The following TBP variants were observed in gnomAD, a reference collection of about 807,000 sequenced individuals.
TBP encodes TATA-box-binding protein.
A neutral mutation model predicts 46.2 loss-of-function variants in TBP; 12 were observed. The observed-to-expected ratio is 0.26, with a 90% CI of 0.17 to 0.42. The LOEUF (loss-of-function observed/expected upper bound fraction) is 0.42, where lower values mean the gene tolerates loss of function less well. Among genes scored for constraint, TBP ranks in the 10% least tolerant of loss-of-function variants. TBP has a pLI of 1.00. For missense variants in TBP, 229 were observed against 403.1 expected, an observed-to-expected ratio of 0.57 and a Z score of 3.70; for synonymous variants, 157 against 148.3, an observed-to-expected ratio of 1.06 and a Z score of -0.42.
chr6:170,570,751 C>T (rs981220992), intron 6 of TBP, among the ~76,000 whole-genome samples: 1 of 151,936 alleles, frequency 6.6e-6, no homozygotes, highest in Admixed American at 6.6e-5. Flanking sequence ...GACAATCATT[C>T]GAACCCAGGA....
intron 3 of TBP, 71 bp from the exon 4 acceptor site, chr6:170,564,474 A>T (rs1406135846): frequency 9.1e-7 from 1 of 1,099,676 alleles, no homozygotes; most frequent in Non-Finnish European, 1.3e-6. Flanking sequence ...TGTCTGCATA[A>T]TTTCTAACGC....
chr6:170,562,965 T>G (rs1245477049), intron 3 of TBP, among the ~76,000 whole-genome samples: 1 of 152,198 alleles, frequency 6.6e-6, no homozygotes, highest in East Asian at 1.9e-4. Flanking sequence ...ATTTCCTATT[T>G]GCATTTATTC....
intron 4 of TBP, 24 bp downstream of exon 4, chr6:170,564,656 C>A: frequency 7.0e-7 from 1 of 1,426,998 alleles, no homozygotes; most frequent in Non-Finnish European, 9.5e-7. Flanking sequence ...TAATGTATTT[C>A]TTTTTTTTTT....
intron 6 of TBP, among the ~76,000 whole-genome samples, chr6:170,570,294 T>C (rs992833121): frequency 6.6e-6 from 1 of 152,232 alleles, no homozygotes; most frequent in Non-Finnish European, 1.5e-5. Flanking sequence ...ACATTAGTTC[T>C]GTGTGCCCCT....
rs201578035 is a variant in TBP at position 170,566,911 on chromosome 6, A to G, written c.586-7A>G. 6.5e-5 allele frequency: 104 copies of G among 1,612,006 alleles called. No individual in the cohort carries two copies. Among genetic ancestry groups the G allele is most frequent in the Admixed American group, 6.7e-5 (4 of 59,926 alleles). On this transcript the variant is annotated splice_region_variant and splice_polypyrimidine_tract_variant and intron_variant, in intron 4 of 7. Coordinates refer to ENST00000392092, the MANE Select transcript of TBP (RefSeq NM_003194.5). ...ACCTCACTAATGATTCTCTCTGACC[A>G]TTGTAGCGGTTTGCTGCGGTAATCA...
At position 170,556,484 on chromosome 6, in the gene TBP, A is replaced by G. The variant is rs1397979458; in HGVS notation, c.-148-398A>G. Reference sequence around the variant, plus strand: ...CCCAAGACATTGTAGAGGATGTAAAATTGGAATATTTAAAGATCTAAACTT... The same window carrying G: ...CCCAAGACATTGTAGAGGATGTAAAGTTGGAATATTTAAAGATCTAAACTT... On this transcript the variant is annotated intron_variant, in intron 1 of 7. Coordinates refer to ENST00000392092, the MANE Select transcript of TBP (RefSeq NM_003194.5). Among the ~76,000 whole-genome samples the G allele has an allele frequency of 2.0e-5, 3 of 152,272 alleles. No homozygotes were observed. In the East Asian group the frequency reaches 5.8e-4, roughly 29 times the overall value.
chr6:170,566,215 A>T (rs1460607504), intron 4 of TBP, among the ~76,000 whole-genome samples: 3 of 152,186 alleles, frequency 2.0e-5, no homozygotes, highest in East Asian at 3.8e-4. Flanking sequence ...CAAAGTAATT[A>T]TTTGCTTTTT....
intron 5 of TBP, among the ~76,000 whole-genome samples, chr6:170,567,961 G>A (rs1175324101): frequency 6.6e-6 from 1 of 152,218 alleles, no homozygotes; most frequent in Non-Finnish European, 1.5e-5. Context: ...AAATGAAAGA[G>A]TATTAAATGT....
At chr6:170,571,058 G>C (rs1193443069) in intron 6 of TBP, among the ~76,000 whole-genome samples, 1 of 152,142 alleles carries the variant, frequency 6.6e-6, no homozygotes, top group Non-Finnish European at 1.5e-5. Context: ...TATTAGGACT[G>C]TAAAAGTAAA....
At chr6:170,557,607 T>G (rs1301307723) in intron 2 of TBP, among the ~76,000 whole-genome samples, 1 of 150,036 alleles carries the variant, frequency 6.7e-6, no homozygotes, top group Non-Finnish European at 1.5e-5. Context: ...TTGTGGCGGG[T>G]GCCTGTAATC....
chr6:170,562,433 A>G (rs1779167553), intron 3 of TBP, among the ~76,000 whole-genome samples, 200 bp downstream of exon 3: 1 of 152,212 alleles, frequency 6.6e-6, no homozygotes, highest in African/African-American at 2.4e-5. Context: ...GGCTCTTAAC[A>G]GGTTTAGAAA....
At chr6:170,567,838 C>T (rs1408684448) in intron 5 of TBP, among the ~76,000 whole-genome samples, 3 of 152,178 alleles carry the variant, frequency 2.0e-5, no homozygotes, top group Non-Finnish European at 4.4e-5. Context: ...TAGTACTCTG[C>T]GGCCCTGACT....
At chr6:170,564,276 C>A (rs1378852499) in intron 3 of TBP, among the ~76,000 whole-genome samples, 1 of 152,208 alleles carries the variant, frequency 6.6e-6, no homozygotes, top group African/African-American at 2.4e-5. Flanking sequence ...GCGTCCTGAG[C>A]AAGTTGCACT....
At chr6:170,564,701 A>G in intron 4 of TBP, 69 bp downstream of exon 4, 2 of 1,085,828 alleles carry the variant, frequency 1.8e-6, no homozygotes, top group Non-Finnish European at 2.6e-6. Flanking sequence ...TCTATATTTT[A>G]ATGTATTTCA....
chr6:170,562,077 C>T lies in TBP; in HGVS notation c.341C>T (p.Thr114Ile). ...QSTSQQATQG[T>I]SGQAPQLFHS... ...ACGTCCCAGCAGGCAACACAGGGAA[C>T]CTCAGGCCAGGCACCACAGCTCTTC... is the stretch of plus-strand genomic sequence containing the variant. The change falls in exon 3 of 8, where the codon ACC becomes ATC. Residue 114 changes from threonine (T) to isoleucine (I), a missense_variant. By Grantham distance (89) the Thr-to-Ile change is moderately conservative. This residue lies in a region of TBP where 69 missense variants were observed against 66.2 expected (regional missense o/e 1.04). Coordinates refer to ENST00000392092, the MANE Select transcript of TBP (RefSeq NM_003194.5). 2 of 1,614,116 alleles carry T rather than the reference C, an allele frequency of 1.2e-6. No individual in the cohort carries two copies. Among genetic ancestry groups the T allele is most frequent in the South Asian group, 2.2e-5 (2 of 91,072 alleles).
Position 170,569,742 on chromosome 6 carries a change from T to C in TBP, c.808T>C (p.Leu270=). ...CTGTGATGTGAAGTTTCCTATAAGG[T>C]TAGAAGGCCTTGTGCTCACCCACCA... ...GSCDVKFPIR[L]EGLVLTHQQF... Residue 270 remains leucine, a synonymous_variant, in exon 6 of 8, where the codon TTA becomes CTA. Transcript: ENST00000392092. 2 of 1,614,042 alleles carry C rather than the reference T, an allele frequency of 1.2e-6. No homozygotes were observed. The highest frequency in any genetic ancestry group is 1.3e-5 in the African/African-American group (1 of 75,048).
Position 170,557,002 on chromosome 6 carries a change from C to G in TBP, c.-28C>G, listed in dbSNP as rs1429577952. The G allele has an allele frequency of 1.2e-6, 2 of 1,613,260 alleles. No individual in the cohort carries two copies. The highest frequency in any genetic ancestry group is 1.7e-6 in the Non-Finnish European group (2 of 1,179,574). On this transcript the variant is annotated 5_prime_UTR_variant, in exon 2 of 8. Transcript: ENST00000392092. ...GAGACGAGTTCCAGCGCAAGGGTTT[C>G]TGGTTTGCCAAGAAGAAAGTGAACA...
At position 170,562,223 on chromosome 6, in the gene TBP, C is replaced by A. The variant is rs1779163111; in HGVS notation, c.487C>A (p.Pro163Thr). 6.2e-7 allele frequency: 1 copy of A among 1,613,722 alleles called. No homozygotes were observed. The highest frequency in any genetic ancestry group is 8.5e-7 in the Non-Finnish European group (1 of 1,179,766). Residue 163 changes from proline (P) to threonine (T), a missense_variant, in exon 3 of 8, where the codon CCG becomes ACG. Transcript: ENST00000392092. ...AGCTTCGGAGAGTTCTGGGATTGTA[C>A]CGCAGCTGCAGTGAGTACTTCGTGT... ...TPASESSGIV[P>T]QLQNIVSTVN...
chr6:170,569,867 C>A, intron 6 of TBP, 88 bp downstream of exon 6: 1 of 1,256,484 alleles, frequency 8.0e-7, no homozygotes, highest in Non-Finnish European at 1.1e-6. Flanking sequence ...GCAAAATATT[C>A]AGTATATGAG....
Sources: allele counts gnomAD v4.1 joint callset (sites outside exome capture counted in the v4.1 genomes callset), GRCh38; gene constraint gnomAD v4.1.1; regional missense constraint gnomAD v4.1.1; transcripts MANE v1.5; gene names NCBI Gene and HGNC (gene_info 2026-07-23, HGNC 2026-07-21).